SDK1: variants seen among roughly 807,000 people sequenced by gnomAD.
SDK1 encodes sidekick cell adhesion molecule 1.
A neutral mutation model predicts 245.5 loss-of-function variants in SDK1; 157 were observed. That is an observed-to-expected ratio of 0.64 (90% CI 0.56 to 0.73). The LOEUF (loss-of-function observed/expected upper bound fraction) is 0.73, where lower values mean the gene tolerates loss of function less well. SDK1 is among the 30% of genes least tolerant of loss of function. SDK1 has a pLI of 0.00. For missense variants in SDK1, 3,583 were observed against 3,002.3 expected, an observed-to-expected ratio of 1.19 and a Z score of -4.52; for synonymous variants, 1,647 against 1,278.5, an observed-to-expected ratio of 1.29 and a Z score of -6.15.
At chr7:3,902,789 C>G (rs969643534) in intron 5 of SDK1, among the ~76,000 whole-genome samples, 1 of 152,090 alleles carries the variant, frequency 6.6e-6, no homozygotes, top group African/African-American at 2.4e-5. Flanking sequence ...CCTGGTATAT[C>G]CTTTCTATGT....
At chr7:4,227,776 C>A (rs539438934) in intron 40 of SDK1, among the ~76,000 whole-genome samples, 1 of 152,286 alleles carries the variant, frequency 6.6e-6, no homozygotes, top group East Asian at 1.9e-4. Context: ...GAGTGCAGAC[C>A]CTTCGACGTG....
At chr7:3,774,214 CAAAAAAAAAAA>C (rs35211488) in intron 4 of SDK1, among the ~76,000 whole-genome samples, 1 of 70,378 alleles carries the variant, frequency 1.4e-5, no homozygotes, top group Non-Finnish European at 2.9e-5. Context: ...GACTCCATCT[CAAAAAAAAAAA>C]AAAAAAAAGA....
intron 4 of SDK1, among the ~76,000 whole-genome samples, chr7:3,709,760 T>C: frequency 6.6e-6 from 1 of 152,220 alleles, no homozygotes. Context: ...TTTTGAAACA[T>C]TTGCCTAGGT....
intron 32 of SDK1, among the ~76,000 whole-genome samples, chr7:4,173,410 A>G (rs1160245106): frequency 1.3e-5 from 2 of 152,174 alleles, no homozygotes; most frequent in Admixed American, 6.5e-5. Flanking sequence ...GGAAAAGGCA[A>G]GCCTTGCGCT....
intron 4 of SDK1, among the ~76,000 whole-genome samples, chr7:3,720,897 A>C (rs1785347894): frequency 6.6e-6 from 1 of 152,248 alleles, no homozygotes; most frequent in South Asian, 2.1e-4. Flanking sequence ...CTTCCATTCC[A>C]TCACACATCG....
In SDK1 at chr7:4,205,058, C is replaced by T. The variant is rs1400434601; in HGVS notation, c.5099-821C>T. 1.4e-4 allele frequency among the ~76,000 whole-genome samples: 11 copies of T among 76,460 alleles called. No individual in the cohort carries two copies. In the South Asian group the frequency reaches 1.7e-3, roughly 12 times the overall value. 50.2% of individuals were successfully genotyped at this position (76,460 alleles called of 152,430 possible). On this transcript the variant is annotated intron_variant, in intron 35 of 44. Transcript: ENST00000404826. The stretch of plus-strand genomic sequence containing the variant: ...TCATGTGTCCTTTGGTTTGCGTGTG[C>T]CATGCAGCCCTGCAGACGCAGACAG...
Position 4,210,032 on chromosome 7 carries a change from G to GGC in SDK1, c.5410_5411dup (p.Ser1806ProfsTer9). ...TGTGTTCTATTCTCCCAGCCCCTGG[G>GGC]GCCCCCAGCTTTCTGGCGTTCTCAG... On this transcript the variant is annotated frameshift_variant, in exon 38 of 45. Coordinates refer to ENST00000404826, the MANE Select transcript of SDK1 (RefSeq NM_152744.4). LOFTEE classifies it high-confidence loss of function. The GGC allele has an allele frequency of 6.3e-7, 1 of 1,584,844 alleles. No individual in the cohort carries two copies. Among genetic ancestry groups the GGC allele is most frequent in the Non-Finnish European group, 8.6e-7 (1 of 1,167,170 alleles).
chr7:3,662,983 T>C (rs1331715326), intron 4 of SDK1, among the ~76,000 whole-genome samples: 1 of 152,232 alleles, frequency 6.6e-6, no homozygotes, highest in Non-Finnish European at 1.5e-5. Flanking sequence ...ATATGTATTA[T>C]GTATATGCAA....
intron 5 of SDK1, among the ~76,000 whole-genome samples, chr7:3,886,609 G>T (rs1441289614): frequency 6.6e-6 from 1 of 152,190 alleles, no homozygotes; most frequent in African/African-American, 2.4e-5. Flanking sequence ...TTTTCCACTT[G>T]ACCCTGCCTC....
At chr7:3,840,756 G>A (rs1349045285) in intron 5 of SDK1, among the ~76,000 whole-genome samples, 2 of 152,210 alleles carry the variant, frequency 1.3e-5, no homozygotes, top group South Asian at 2.1e-4. Flanking sequence ...AGAGCTACTC[G>A]CAGTATGATC....
intron 44 of SDK1, among the ~76,000 whole-genome samples, chr7:4,255,416 C>G (rs141978151): frequency 1.3e-5 from 2 of 152,188 alleles, no homozygotes; most frequent in Admixed American, 6.5e-5. Context: ...GTGACACACC[C>G]GCTACACAAG....
chr7:3,817,151 T>G (rs1200410757), intron 4 of SDK1, among the ~76,000 whole-genome samples: 2 of 152,226 alleles, frequency 1.3e-5, no homozygotes, highest in African/African-American at 4.8e-5. Flanking sequence ...AATTTATATT[T>G]TCATGGAAGC....
chr7:4,025,111 G>C (rs1787236228), intron 17 of SDK1, among the ~76,000 whole-genome samples: 2 of 151,996 alleles, frequency 1.3e-5, no homozygotes, highest in South Asian at 2.1e-4. Context: ...GGTATTTTCT[G>C]TTCTATTCCA....
At chr7:4,249,267 G>A (rs781201174) in intron 44 of SDK1, among the ~76,000 whole-genome samples, 1 of 152,206 alleles carries the variant, frequency 6.6e-6, no homozygotes, top group Non-Finnish European at 1.5e-5. Flanking sequence ...GCACTGATGA[G>A]CTGGACTGGA....
chr7:3,500,731 C>A (rs950729338), intron 1 of SDK1, among the ~76,000 whole-genome samples: 4 of 152,042 alleles, frequency 2.6e-5, no homozygotes, highest in Non-Finnish European at 4.4e-5. Context: ...TTAATGACTT[C>A]ATCCTTTAAT....
intron 1 of SDK1, among the ~76,000 whole-genome samples, chr7:3,378,073 C>T (rs913163586): frequency 1.2e-4 from 18 of 152,156 alleles, no homozygotes; most frequent in South Asian, 2.1e-4. Context: ...ACCACTGCGC[C>T]GGCCCCCAAA....
chr7:3,967,546 T>C (rs1782175175), intron 10 of SDK1, 112 bp downstream of exon 10: 7 of 718,290 alleles, frequency 9.7e-6, no homozygotes, highest in Non-Finnish European at 1.7e-5. Context: ...ATTCACTCAA[T>C]GAAGATTAAA....
At chr7:3,801,921 A>G (rs943661808) in intron 4 of SDK1, among the ~76,000 whole-genome samples, 3 of 152,198 alleles carry the variant, frequency 2.0e-5, no homozygotes, top group African/African-American at 7.2e-5. Flanking sequence ...CAGCTGGAGG[A>G]TGAAACAGCT....
At chr7:4,066,146 C>A (rs1037419703) in intron 19 of SDK1, among the ~76,000 whole-genome samples, 3 of 152,106 alleles carry the variant, frequency 2.0e-5, no homozygotes, top group African/African-American at 7.2e-5. Flanking sequence ...TCTTTTCCTC[C>A]CTTTTCCCCG....
Sources: allele counts gnomAD v4.1 joint callset (sites outside exome capture counted in the v4.1 genomes callset), GRCh38; gene constraint gnomAD v4.1.1; transcripts MANE v1.5; gene names NCBI Gene and HGNC (gene_info 2026-07-23, HGNC 2026-07-21).